The following UBR3 variants were observed in gnomAD, a reference collection of about 807,000 sequenced individuals.
UBR3 encodes the protein E3 ubiquitin-protein ligase UBR3.
In UBR3, 85 loss-of-function variants were observed where a neutral mutation model predicts 243.2. That is an observed-to-expected ratio of 0.35 (90% CI 0.29 to 0.42). The LOEUF (loss-of-function observed/expected upper bound fraction) is 0.42. Ranked by LOEUF, UBR3 falls within the 10% of genes least tolerant of loss-of-function variation. The pLI, the probability that UBR3 is intolerant of heterozygous loss-of-function variation, is 1.00. For missense variants in UBR3, 1,686 were observed against 2,300.8 expected, an observed-to-expected ratio of 0.73 and a Z score of 5.47; for synonymous variants, 748 against 799.8, an observed-to-expected ratio of 0.94 and a Z score of 1.09.
chr2:169,986,731 C>A lies in UBR3; in HGVS notation c.3721C>A (p.Gln1241Lys). Residue 1241 changes from glutamine to lysine, a missense_variant, in exon 25 of 39, where the codon CAG becomes AAG. Gln to Lys is a moderately conservative substitution (Grantham distance 53). Transcript: ENST00000272793. ...EAVYDCVICG[Q>K]SGPSSEDRPT... ...AGTATATGACTGTGTTATTTGTGGA[C>A]AGAGTGGCCCCTCCTCTGAAGATCG... The A allele has an allele frequency of 6.2e-7, 1 of 1,614,078 alleles. No homozygotes were observed. Among genetic ancestry groups the A allele is most frequent in the Non-Finnish European group, 8.5e-7 (1 of 1,179,990 alleles).
At chr2:170,034,138 G>C (rs938789870) in intron 31 of UBR3, among the ~76,000 whole-genome samples, 1 of 151,580 alleles carries the variant, frequency 6.6e-6, no homozygotes, top group African/African-American at 2.4e-5. Flanking sequence ...TCCACCACCA[G>C]TGTGGTACAT....
At chr2:169,966,850 A>G (rs1487532316) in intron 24 of UBR3, among the ~76,000 whole-genome samples, 1 of 152,148 alleles carries the variant, frequency 6.6e-6, no homozygotes, top group Non-Finnish European at 1.5e-5. Context: ...AGCTTGCTTA[A>G]TCATTCACCC....
At chr2:169,991,757 T>C (rs2105392406) in intron 25 of UBR3, among the ~76,000 whole-genome samples, 1 of 152,186 alleles carries the variant, frequency 6.6e-6, no homozygotes, top group South Asian at 2.1e-4. Flanking sequence ...TAATTTTTTG[T>C]ATTTTTAGTA....
intron 6 of UBR3, 77 bp downstream of exon 6, chr2:169,891,308 G>C: frequency 9.0e-7 from 1 of 1,106,102 alleles, no homozygotes; most frequent in South Asian, 1.4e-5. Context: ...AATACTTGAT[G>C]GGCTAGCCAT....
chr2:169,829,209 A>G (rs566629662), intron 1 of UBR3, among the ~76,000 whole-genome samples: 48 of 151,220 alleles, frequency 3.2e-4, no homozygotes, highest in African/African-American at 1.0e-3. Flanking sequence ...TGTGCAAGCA[A>G]GGCTTCTTGG....
In UBR3 at chr2:169,888,045, G is replaced by A. The variant is rs545276097; in HGVS notation, c.1039-3120G>A. 1.6e-4 allele frequency among the ~76,000 whole-genome samples: 25 copies of A among 151,530 alleles called. No individual in the cohort carries two copies. In the South Asian group the frequency reaches 4.8e-3, roughly 29 times the overall value. On this transcript the variant is annotated intron_variant, in intron 5 of 38. Transcript: ENST00000272793. ...CCCACCTCTGCCTCCCAAAGTGCTGGGATCTCAGGCATGAGCCACCACGCC... is the reference window on the plus strand; with the variant it reads ...CCCACCTCTGCCTCCCAAAGTGCTGAGATCTCAGGCATGAGCCACCACGCC...
intron 5 of UBR3, 30 bp from the exon 6 acceptor site, chr2:169,891,133 CTG>C (rs2084359264): frequency 2.7e-6 from 4 of 1,488,706 alleles, no homozygotes; most frequent in Admixed American, 2.0e-5. Flanking sequence ...ATGAATGTGA[CTG>C]TGTATAATGC....
intron 27 of UBR3, 68 bp downstream of exon 27, chr2:170,001,482 T>C: frequency 1.1e-6 from 1 of 898,260 alleles, no homozygotes; most frequent in South Asian, 1.4e-5. Context: ...TTTTATAGTA[T>C]ATACATCCCA....
In UBR3 at chr2:170,041,385, T is replaced by A. The variant is rs567558273; in HGVS notation, c.4660+400T>A. ...CATGGGAAAACATTCTGAAAATGGTTTAAAAAATTGAAGTGATGATACAAA... is the reference window on the plus strand; with the variant it reads ...CATGGGAAAACATTCTGAAAATGGTATAAAAAATTGAAGTGATGATACAAA... On this transcript the variant is annotated intron_variant, in intron 32 of 38. Coordinates refer to ENST00000272793, the MANE Select transcript of UBR3 (RefSeq NM_172070.4). 2.6e-5 allele frequency among the ~76,000 whole-genome samples: 4 copies of A among 152,302 alleles called. No homozygotes were observed. The East Asian group carries it at 7.7e-4, about 29-fold the overall frequency.
chr2:169,920,472 AGT>A (rs2085655422), intron 11 of UBR3, among the ~76,000 whole-genome samples: 1 of 150,506 alleles, frequency 6.6e-6, no homozygotes, highest in Admixed American at 6.6e-5. Context: ...ATAATAATAA[AGT>A]AAAAGCAGTA....
At chr2:169,987,392 C>CAAAAAAAAAAAA (rs563664122) in intron 25 of UBR3, among the ~76,000 whole-genome samples, 1 of 65,938 alleles carries the variant, frequency 1.5e-5, no homozygotes, top group East Asian at 4.5e-4. Flanking sequence ...GACTCTGTCT[C>CAAAAAAAAAAAA]AAAAAAAAAA....
chr2:170,064,978 G>A (rs1468941965), intron 35 of UBR3, among the ~76,000 whole-genome samples: 1 of 151,610 alleles, frequency 6.6e-6, no homozygotes, highest in African/African-American at 2.4e-5. Context: ...AAGTAGCTGG[G>A]ATTACAGGCA....
At chr2:169,975,721 G>T (rs1439882258) in intron 24 of UBR3, among the ~76,000 whole-genome samples, 1 of 152,122 alleles carries the variant, frequency 6.6e-6, no homozygotes, top group Non-Finnish European at 1.5e-5. Context: ...GCTGAGATGG[G>T]AGGATTACAT....
At chr2:169,975,319 A>G (rs749669624) in intron 24 of UBR3, among the ~76,000 whole-genome samples, 33 of 152,184 alleles carry the variant, frequency 2.2e-4, no homozygotes, top group African/African-American at 7.2e-4. Flanking sequence ...CAGAAAATAA[A>G]CTTGATCTGA....
chr2:170,017,560 C>G (rs977206880), intron 30 of UBR3, among the ~76,000 whole-genome samples: 34 of 138,584 alleles, frequency 2.5e-4, no homozygotes, highest in Admixed American at 1.8e-3. Flanking sequence ...CACACACACA[C>G]ACACACACAC....
At chr2:170,049,944 A>G (rs1020635086) in intron 32 of UBR3, among the ~76,000 whole-genome samples, 2 of 152,210 alleles carry the variant, frequency 1.3e-5, no homozygotes, top group Non-Finnish European at 2.9e-5. Flanking sequence ...TTTAAAATTC[A>G]AGAAAGCTAT....
At chr2:170,021,575 G>A (rs537260145) in intron 30 of UBR3, among the ~76,000 whole-genome samples, 2 of 152,228 alleles carry the variant, frequency 1.3e-5, no homozygotes, top group Admixed American at 1.3e-4. Flanking sequence ...TAACCTTGGG[G>A]TTAGGACTTC....
chr2:169,857,064 GTTTTTT>G (rs770674966), intron 1 of UBR3, among the ~76,000 whole-genome samples: 41 of 56,084 alleles, frequency 7.3e-4, no homozygotes, highest in African/African-American at 2.0e-3. Context: ...ATTTTATTAT[GTTTTTT>G]TTTTTTTTTT....
At chr2:170,032,475 A>G (rs1251823509) in intron 31 of UBR3, among the ~76,000 whole-genome samples, 1 of 151,922 alleles carries the variant, frequency 6.6e-6, no homozygotes, top group East Asian at 1.9e-4. Context: ...GTACTGTGTA[A>G]CAACAACAAC....
Sources: gnomAD v4.1 joint callset for allele counts (sites outside exome capture counted in the v4.1 genomes callset) on GRCh38, gnomAD v4.1.1 for gene constraint, MANE v1.5 for transcripts, NCBI Gene and HGNC (gene_info 2026-07-23, HGNC 2026-07-21) for gene names.